The following KSR1 variants were observed in gnomAD, a reference collection of about 807,000 sequenced individuals.
The protein encoded by KSR1 is kinase suppressor of ras 1.
In KSR1, 35 loss-of-function variants were observed where a neutral mutation model predicts 92.9. The observed-to-expected ratio is 0.38, with a 90% confidence interval of 0.29 to 0.50. The LOEUF is 0.50. KSR1 is among the 20% of genes least tolerant of loss of function. The pLI is 0.94. For synonymous variants in KSR1, 467 were observed against 472.6 expected (o/e 0.99, Z 0.15); for missense variants, 972 against 1,158.5 (o/e 0.84, Z 2.34).
chr17:27,470,255 T>A (rs1290489305), intron 1 of KSR1, among the ~76,000 whole-genome samples: 2 of 149,322 alleles, frequency 1.3e-5, no homozygotes, highest in Non-Finnish European at 3.0e-5. Context: ...TTTTTTTTTT[T>A]TTTTGAGACA....
At chr17:27,550,428 G>A in intron 1 of KSR1, 140 bp from the exon 2 acceptor site, 1 of 670,966 alleles carries the variant, frequency 1.5e-6, no homozygotes, top group Non-Finnish European at 2.7e-6. Flanking sequence ...CCCCTCCCCT[G>A]CAAACAGCAG....
intron 1 of KSR1, chr17:27,472,138 A>T (rs906108781): frequency 6.6e-6 from 1 of 151,998 alleles, no homozygotes; most frequent in East Asian, 1.9e-4. Flanking sequence ...GCCATGGGAA[A>T]CCCCCTTCTT....
In KSR1 at chr17:27,609,972, G is replaced by T. The variant is rs2073869402; in HGVS notation, c.2226-95G>T. The T allele has an allele frequency of 3.3e-6, 5 of 1,502,776 alleles. No homozygotes were observed. In the Admixed American group the frequency reaches 7.6e-5, roughly 23 times the overall value. 93.1% of individuals were successfully genotyped at this position (1,502,776 alleles called of 1,614,324 possible). A position where few individuals can be genotyped will look rare whatever the true frequency, so the allele number is the denominator to read the frequency against. On this transcript the variant is annotated intron_variant, in intron 16 of 20. Transcript: ENST00000644974. ...GGTGTGTTTTCTAAGCTGTGTGTGG[G>T]TGTTCTGCCGGCCCTGGGGCAGACC...
chr17:27,578,506 G>A (rs918251996), intron 3 of KSR1: 1 of 152,252 alleles, frequency 6.6e-6, no homozygotes, highest in Non-Finnish European at 1.5e-5. Context: ...CACAACAGAA[G>A]TGTGGCTGGT....
At chr17:27,526,035 T>TC (rs2070260054) in intron 1 of KSR1, among the ~76,000 whole-genome samples, 4 of 95,858 alleles carry the variant, frequency 4.2e-5, no homozygotes, top group South Asian at 3.9e-4. Flanking sequence ...TTCTTTTCTT[T>TC]TCTTTTCTTT....
intron 1 of KSR1, among the ~76,000 whole-genome samples, chr17:27,546,941 T>G (rs1306585117): frequency 6.6e-6 from 1 of 152,150 alleles, no homozygotes; most frequent in East Asian, 1.9e-4. Flanking sequence ...CAGGGTCTGC[T>G]CTGGGCACCT....
At chr17:27,588,666 C>T (rs571404805) in intron 6 of KSR1, 131 bp downstream of exon 6, 3 of 781,552 alleles carry the variant, frequency 3.8e-6, no homozygotes, top group Non-Finnish European at 5.8e-6. Context: ...ACCTGTGGGA[C>T]ATGGCCCTGC....
intron 18 of KSR1, among the ~76,000 whole-genome samples, chr17:27,616,582 G>A (rs890065224): frequency 5.3e-5 from 8 of 152,206 alleles, no homozygotes; most frequent in Admixed American, 4.6e-4. Context: ...TTCCTGATAC[G>A]GCAGGCAACC....
chr17:27,591,952 C>T (rs1376155567), intron 7 of KSR1, among the ~76,000 whole-genome samples: 2 of 152,216 alleles, frequency 1.3e-5, no homozygotes, highest in Non-Finnish European at 2.9e-5. Context: ...GAGGGGCTGC[C>T]CTTTGGGTCC....
At chr17:27,560,789 T>C (rs978156878) in intron 2 of KSR1, among the ~76,000 whole-genome samples, 1 of 152,102 alleles carries the variant, frequency 6.6e-6, no homozygotes. Flanking sequence ...GGCCCCATAC[T>C]CTCTCTTTGA....
rs184817937 is a variant in KSR1 at position 27,605,392 on chromosome 17, C to G, written c.1615-42C>G. 2.3e-4 allele frequency: 370 copies of G among 1,585,788 alleles called. 4 individuals carry two copies. In the East Asian group the frequency reaches 8.2e-3, roughly 35 times the overall value. ...GAGAAGGAAGAGACGTCGCAGAGCCCAGATCTGCTGCCCATCCCTGTTCTT... is the reference window on the plus strand; with the variant it reads ...GAGAAGGAAGAGACGTCGCAGAGCCGAGATCTGCTGCCCATCCCTGTTCTT... On this transcript the variant is annotated intron_variant, in intron 13 of 20. Coordinates refer to ENST00000644974, the MANE Select transcript of KSR1 (RefSeq NM_001394583.1).
intron 1 of KSR1, among the ~76,000 whole-genome samples, chr17:27,489,518 C>G (rs1353708841): frequency 6.6e-6 from 1 of 152,196 alleles, no homozygotes; most frequent in Non-Finnish European, 1.5e-5. Flanking sequence ...CTCCTTTTCT[C>G]TTTCTTCATC....
intron 18 of KSR1, 43 bp downstream of exon 18, chr17:27,611,672 G>C (rs760888778): frequency 6.2e-7 from 1 of 1,611,292 alleles, no homozygotes; most frequent in East Asian, 2.2e-5. Context: ...GGCTGGAGGT[G>C]GGGTGGGGCA....
At chr17:27,501,871 T>C (rs2047118664) in intron 1 of KSR1, among the ~76,000 whole-genome samples, 1 of 152,268 alleles carries the variant, frequency 6.6e-6, no homozygotes. Context: ...TCGTTAGTTC[T>C]CATAATAACT....
intron 1 of KSR1, among the ~76,000 whole-genome samples, chr17:27,532,219 G>C (rs1162528204): frequency 6.6e-6 from 1 of 152,214 alleles, no homozygotes. Context: ...GGTTGACGTG[G>C]TCCTTAGATG....
chr17:27,524,450 C>T (rs2070168805), intron 1 of KSR1, among the ~76,000 whole-genome samples: 1 of 152,142 alleles, frequency 6.6e-6, no homozygotes, highest in Admixed American at 6.5e-5. Flanking sequence ...TTATTAAGGC[C>T]AGAAAGATTT....
At chr17:27,600,604 A>T (rs1331394533) in intron 10 of KSR1, among the ~76,000 whole-genome samples, 1 of 152,132 alleles carries the variant, frequency 6.6e-6, no homozygotes, top group Non-Finnish European at 1.5e-5. Context: ...TCCGTGGATT[A>T]TTTCCCGCCA....
intron 1 of KSR1, among the ~76,000 whole-genome samples, chr17:27,535,386 T>C (rs1007471559): frequency 6.6e-6 from 1 of 152,170 alleles, no homozygotes; most frequent in African/African-American, 2.4e-5. Context: ...GAATGCACAG[T>C]CATGTCACTA....
At chr17:27,570,596 C>T (rs934051130) in intron 2 of KSR1, among the ~76,000 whole-genome samples, 1 of 152,204 alleles carries the variant, frequency 6.6e-6, no homozygotes, top group Non-Finnish European at 1.5e-5. Context: ...CAGTTCAAGC[C>T]CAGCTCCCTA....
Sources: allele counts gnomAD v4.1 joint callset (sites outside exome capture counted in the v4.1 genomes callset), GRCh38; gene constraint gnomAD v4.1.1; transcripts MANE v1.5; gene names NCBI Gene and HGNC (gene_info 2026-07-23, HGNC 2026-07-21).